The following BID variants were observed in gnomAD, a reference collection of about 807,000 sequenced individuals.
The protein encoded by BID is BH3 interacting domain death agonist, also known as BH3-interacting domain death agonist.
Under a neutral mutation model 17.4 loss-of-function variants are expected in BID, and 19 were observed. The observed-to-expected ratio is 1.09, with a 90% CI of 0.76 to 1.60. BID has a LOEUF of 1.60. BID is among the 40% of genes most tolerant of loss of function. The pLI, the probability that BID is intolerant of heterozygous loss-of-function variation, is 0.00. For missense variants in BID, 226 were observed against 256.0 expected (o/e 0.88, Z 0.80); for synonymous variants, 108 against 102.8 (o/e 1.05, Z -0.31).
At chr22:17,774,519 C>T, upstream of BID, 1 of 160,876 alleles carries the variant, frequency 6.2e-6, no homozygotes, top group East Asian at 1.8e-4. Flanking sequence ...CGGGCCCGCC[C>T]CGGCCCGCCC....
intron 1 of BID, among the ~76,000 whole-genome samples, chr22:17,756,472 TTTCTTTTCTTTC>T (rs2061589819): frequency 5.8e-5 from 6 of 104,214 alleles, no homozygotes; most frequent in African/African-American, 2.2e-4. Context: ...TCTTTCTTTC[TTTCTTTTCTTTC>T]TTTCTTTCTT....
At chr22:17,739,913 G>T in intron 3 of BID, 4 of 729,784 alleles carry the variant, frequency 5.5e-6, no homozygotes, top group Non-Finnish European at 9.1e-6. Context: ...GCCCTCTCAA[G>T]CCTGAGAGCC....
In BID at chr22:17,773,854, C is replaced by A. The variant is rs1320783022; in HGVS notation, c.-59+527G>T. 9 of 717,826 alleles carry A rather than the reference C, an allele frequency of 1.3e-5. No homozygotes were observed. The highest frequency in any genetic ancestry group is 2.1e-5 in the Non-Finnish European group (9 of 436,094). 44.5% of individuals were successfully genotyped at this position (717,826 alleles called of 1,614,324 possible). On this transcript the variant is annotated intron_variant, in intron 1 of 5. Transcript: ENST00000622694. This position sits in a 1 kb window ranked among gnomAD's most constrained non-coding sequence, Gnocchi z 4.4. The stretch of plus-strand genomic sequence containing the variant: ...CATTGCCAGTGCTCTAAGGAGCGGG[C>A]GAGCCCCAGTAAGCGGCCGCTCTGA...
At chr22:17,760,451 C>CAAAA (rs55817445) in intron 1 of BID, among the ~76,000 whole-genome samples, 3 of 30,740 alleles carry the variant, frequency 9.8e-5, no homozygotes, top group Non-Finnish European at 1.7e-4. Flanking sequence ...GACTCTGTCT[C>CAAAA]AAAAAAAAAA....
At position 17,773,582 on chromosome 22, in the gene BID, C is replaced by G; in HGVS notation, c.-59+799G>C. On this transcript the variant is annotated intron_variant, in intron 1 of 5. Transcript: ENST00000622694. The surrounding 1 kb of genome is among the most constrained non-coding windows in gnomAD (Gnocchi z 4.4). ...CTGCAGGTGAAGGCCGGTCCAGCCG[C>G]AGAAGGCCCAGCCCCCAGCCCACTT... The G allele has an allele frequency of 6.2e-7, 1 of 1,611,696 alleles. No individual in the cohort carries two copies. The highest frequency in any genetic ancestry group is 8.5e-7 in the Non-Finnish European group (1 of 1,179,656).
At chr22:17,735,963 T>TC (rs1358262002) in intron 5 of BID, among the ~76,000 whole-genome samples, 4 of 152,186 alleles carry the variant, frequency 2.6e-5, no homozygotes, top group African/African-American at 7.2e-5. Context: ...CCAGGAATGG[T>TC]CTCAGGCTTA....
chr22:17,737,588 C>A (rs1027241285), intron 5 of BID, among the ~76,000 whole-genome samples: 2 of 152,210 alleles, frequency 1.3e-5, no homozygotes, highest in Non-Finnish European at 1.5e-5. Flanking sequence ...TCAGGTGATC[C>A]ACCTGCCTTG....
chr22:17,765,252 G>A lies in BID; in HGVS notation c.-59+9129C>T, dbSNP rs907597786. 2.0e-5 allele frequency among the ~76,000 whole-genome samples: 3 copies of A among 152,050 alleles called. 1 individual carries two copies. The highest frequency in any genetic ancestry group is 2.0e-4 in the Admixed American group (3 of 15,274). On this transcript the variant is annotated intron_variant, in intron 1 of 5. Coordinates refer to ENST00000622694, the MANE Select transcript of BID (RefSeq NM_001196.4). ...TTGACTTACAATGCCTCACAACAAC[G>A]CCCCTGTGAGGTAGGTCAGTATGAT...
At chr22:17,751,474 T>TGTGC (rs201482241) in intron 1 of BID, among the ~76,000 whole-genome samples, 13 of 151,970 alleles carry the variant, frequency 8.6e-5, no homozygotes, top group African/African-American at 2.9e-4. Context: ...TGTGTGTGTG[T>TGTGC]GCGTGTGTGT....
At chr22:17,742,626 A>G (rs2061468591) in intron 3 of BID, among the ~76,000 whole-genome samples, 1 of 151,986 alleles carries the variant, frequency 6.6e-6, no homozygotes, top group Admixed American at 6.6e-5. Context: ...TTGAGCTTGG[A>G]AGGCCTGGAC....
Position 17,772,038 on chromosome 22 carries a change from G to T in BID, c.-59+2343C>A, listed in dbSNP as rs192725517. 3.2e-3 allele frequency among the ~76,000 whole-genome samples: 485 copies of T among 152,292 alleles called. 2 individuals carry two copies. Among genetic ancestry groups the T allele is most frequent in the African/African-American group, 0.011 (472 of 41,548 alleles). On this transcript the variant is annotated intron_variant, in intron 1 of 5. Transcript: ENST00000622694. The stretch of plus-strand genomic sequence containing the variant: ...GAGACCCTGAAGTCCAACTCCCTCG[G>T]GTGTGACCTTGGACAAGTTACTTAG...
intron 4 of BID, among the ~76,000 whole-genome samples, chr22:17,738,518 G>A (rs2061435983): frequency 6.6e-6 from 1 of 152,158 alleles, no homozygotes; most frequent in African/African-American, 2.4e-5. Flanking sequence ...AAGGCACTTC[G>A]AGTCCAGAAC....
chr22:17,749,553 C>G (rs1409455935), intron 2 of BID, among the ~76,000 whole-genome samples: 1 of 152,160 alleles, frequency 6.6e-6, no homozygotes, highest in Non-Finnish European at 1.5e-5. Flanking sequence ...TTTTATTTGA[C>G]CTTTATTGAT....
At position 17,739,344 on chromosome 22, in the gene BID, C is replaced by G. The variant is rs369311185; in HGVS notation, c.363+5G>C. 8.4e-5 allele frequency: 133 copies of G among 1,583,406 alleles called. No homozygotes were observed. The African/African-American group carries it at 1.6e-3, about 19-fold the overall frequency. On this transcript the variant is annotated splice_donor_5th_base_variant and intron_variant, in intron 4 of 5. Transcript: ENST00000622694. ...CGCCCACGCGGTCCTCAGGCCCTCACTCACCTCCTCCGACCGGCTGGTGTT... is the reference window on the plus strand; with the variant it reads ...CGCCCACGCGGTCCTCAGGCCCTCAGTCACCTCCTCCGACCGGCTGGTGTT...
chr22:17,745,562 G>T (rs1041079609), intron 2 of BID, among the ~76,000 whole-genome samples: 2 of 151,970 alleles, frequency 1.3e-5, no homozygotes, highest in Non-Finnish European at 2.9e-5. Flanking sequence ...AGGCGGGAAG[G>T]TCACTTGAGC....
chr22:17,743,879 G>A lies in BID; in HGVS notation c.147C>T (p.Pro49=). The change falls in exon 3 of 6, where the codon CCC becomes CCT. Residue 49 remains proline (P), a synonymous_variant. Coordinates refer to ENST00000622694, the MANE Select transcript of BID (RefSeq NM_001196.4). The part of the protein sequence containing the change: ...ALGHELPVLA[P]QWEGYDELQT... ...GCAGCTCATCGTAGCCCTCCCACTG[G>A]GGAGCCAGCACTGGCAGCTCGTGGC... The A allele has an allele frequency of 6.2e-7, 1 of 1,613,520 alleles. No individual in the cohort carries two copies. Among genetic ancestry groups the A allele is most frequent in the Non-Finnish European group, 8.5e-7 (1 of 1,179,976 alleles).
intron 2 of BID, among the ~76,000 whole-genome samples, chr22:17,747,650 T>G (rs1259818244): frequency 6.6e-6 from 1 of 152,124 alleles, no homozygotes; most frequent in Admixed American, 6.5e-5. Flanking sequence ...AAAGAATTGA[T>G]AGTTTTTTAT....
At chr22:17,770,443 A>T (rs981790056) in intron 1 of BID, among the ~76,000 whole-genome samples, 1 of 152,204 alleles carries the variant, frequency 6.6e-6, no homozygotes, top group African/African-American at 2.4e-5. Flanking sequence ...AGGCCCAAGC[A>T]GAAGCTCCTG....
At chr22:17,746,008 T>C (rs1159448468) in intron 2 of BID, among the ~76,000 whole-genome samples, 1 of 151,602 alleles carries the variant, frequency 6.6e-6, no homozygotes, top group Non-Finnish European at 1.5e-5. Context: ...AATAAATAAA[T>C]AAAAATAAGG....
Sources: allele counts gnomAD v4.1 joint callset (sites outside exome capture counted in the v4.1 genomes callset), GRCh38; gene constraint gnomAD v4.1.1; non-coding constraint Gnocchi (gnomAD v3.1); transcripts MANE v1.5; gene names NCBI Gene and HGNC (gene_info 2026-07-23, HGNC 2026-07-21).